SAMMSON: variants seen among roughly 807,000 people sequenced by gnomAD.
The protein encoded by SAMMSON is long intergenic non-protein coding RNA 1212.
At chr3:70,210,312 A>G (rs939160546) in intron 4 of SAMMSON, among the ~76,000 whole-genome samples, 1 of 152,078 alleles carries the variant, frequency 6.6e-6, no homozygotes, top group Admixed American at 6.6e-5. Context: ...AAGTTATTTT[A>G]ATTCTATATC....
intron 2 of SAMMSON, among the ~76,000 whole-genome samples, chr3:70,414,038 A>C (rs1364017430): frequency 2.0e-5 from 3 of 152,140 alleles, no homozygotes; most frequent in Admixed American, 2.0e-4. Flanking sequence ...AGAGCTTAAT[A>C]AATAGAATAT....
At chr3:70,411,693 T>C (rs1337633779) in intron 2 of SAMMSON, among the ~76,000 whole-genome samples, 1 of 152,158 alleles carries the variant, frequency 6.6e-6, no homozygotes, top group Non-Finnish European at 1.5e-5. Flanking sequence ...CAAGAACTGA[T>C]GGTTTTATAA....
In SAMMSON at chr3:70,094,158, A is replaced by G. The variant is rs7615631; in HGVS notation, n.507+22593A>G. On this transcript the variant is annotated intron_variant and non_coding_transcript_variant, in intron 4 of 9. Coordinates refer to ENST00000642114, the Ensembl canonical transcript of SAMMSON. ...TCTCTCCTCTCACCTTCCCTTGCCC[A>G]ATCACTGTTTTCATCTCCAAAATAT... Among the ~76,000 whole-genome samples, 1,062 of 152,144 alleles carry G rather than the reference A, an allele frequency of 7.0e-3. 17 individuals are homozygous for G. The highest frequency in any genetic ancestry group is 0.024 in the African/African-American group (1,016 of 41,488).
intron 4 of SAMMSON, among the ~76,000 whole-genome samples, chr3:70,131,815 T>C (rs1211024044): frequency 6.6e-6 from 1 of 152,076 alleles, no homozygotes; most frequent in African/African-American, 2.4e-5. Flanking sequence ...TGATCCCAAT[T>C]GATCCACCCA....
At chr3:70,068,178 A>T (rs1323590056) in intron 3 of SAMMSON, 1 of 152,016 alleles carries the variant, frequency 6.6e-6, no homozygotes, top group African/African-American at 2.4e-5. Context: ...ACCAACAAGC[A>T]TTTTCTTTTC....
At chr3:70,206,824 C>T (rs1003405608) in intron 4 of SAMMSON, 2 of 397,068 alleles carry the variant, frequency 5.0e-6, no homozygotes. Context: ...ATACAGAAAC[C>T]CACTATGGTT....
chr3:70,016,399 T>G (rs2066985913), intron 3 of SAMMSON, among the ~76,000 whole-genome samples: 1 of 152,216 alleles, frequency 6.6e-6, no homozygotes, highest in African/African-American at 2.4e-5. Context: ...GAGAAGGATC[T>G]CTTCACATCT....
At chr3:70,158,541 A>G (rs1576138622) in intron 4 of SAMMSON, among the ~76,000 whole-genome samples, 1 of 148,294 alleles carries the variant, frequency 6.7e-6, no homozygotes, top group Non-Finnish European at 1.5e-5. Context: ...TTGGGTGGAC[A>G]CTTTTTTTTT....
chr3:70,168,889 A>G (rs1413326160), intron 4 of SAMMSON, among the ~76,000 whole-genome samples: 1 of 151,958 alleles, frequency 6.6e-6, no homozygotes, highest in Non-Finnish European at 1.5e-5. Flanking sequence ...ATGTTTGCTG[A>G]CACCTCATTC....
At chr3:70,134,679 A>G (rs960795846) in intron 4 of SAMMSON, among the ~76,000 whole-genome samples, 1 of 152,160 alleles carries the variant, frequency 6.6e-6, no homozygotes, top group African/African-American at 2.4e-5. Flanking sequence ...AAACATTTTT[A>G]TGACATATTT....
chr3:70,273,471 C>T (rs553683473), intron 6 of SAMMSON, among the ~76,000 whole-genome samples: 1 of 152,076 alleles, frequency 6.6e-6, no homozygotes, highest in African/African-American at 2.4e-5. Flanking sequence ...CTCAGGAGAT[C>T]GTCCAGAAAA....
At chr3:70,235,911 T>G (rs906270479) in intron 4 of SAMMSON, among the ~76,000 whole-genome samples, 2 of 152,216 alleles carry the variant, frequency 1.3e-5, no homozygotes, top group Admixed American at 6.5e-5. Flanking sequence ...TCAATGGACG[T>G]AAGCTTCCTA....
At chr3:70,301,926 T>C (rs1702352474) in intron 7 of SAMMSON, among the ~76,000 whole-genome samples, 1 of 152,144 alleles carries the variant, frequency 6.6e-6, no homozygotes, top group South Asian at 2.1e-4. Context: ...CAGATTTTCT[T>C]CTGTTGTCTG....
intron 3 of SAMMSON, among the ~76,000 whole-genome samples, chr3:70,049,550 GAGGTGAAGACTAC>G (rs2067138904): frequency 6.6e-6 from 1 of 152,112 alleles, no homozygotes; most frequent in Non-Finnish European, 1.5e-5. Context: ...TCTTTAGGTT[GAGGTGAAGACTAC>G]AGGTAGAGAT....
chr3:70,394,005 C>G (rs1322907340), downstream of SAMMSON, among the ~76,000 whole-genome samples: 1 of 152,120 alleles, frequency 6.6e-6, no homozygotes, highest in Non-Finnish European at 1.5e-5. Context: ...GAGGCTCTTT[C>G]CAGTGAGCCC....
chr3:70,058,143 A>G (rs537125226), intron 3 of SAMMSON, among the ~76,000 whole-genome samples: 15 of 152,212 alleles, frequency 9.9e-5, no homozygotes, highest in Non-Finnish European at 1.9e-4. Flanking sequence ...ATGAGGAAGA[A>G]CCAGATACAC....
At chr3:70,289,608 C>T (rs1480303214) in intron 6 of SAMMSON, among the ~76,000 whole-genome samples, 5 of 149,870 alleles carry the variant, frequency 3.3e-5, no homozygotes, top group Admixed American at 6.7e-5. Context: ...CGTTGGCCTG[C>T]CTTGCTAGAT....
chr3:70,274,554 T>G (rs1294384053), intron 6 of SAMMSON, among the ~76,000 whole-genome samples: 1 of 152,134 alleles, frequency 6.6e-6, no homozygotes, highest in Non-Finnish European at 1.5e-5. Flanking sequence ...CTGCATGCTC[T>G]CACTTATAAG....
chr3:70,384,988 T>C (rs1192153431), intron 9 of SAMMSON, among the ~76,000 whole-genome samples: 1 of 152,082 alleles, frequency 6.6e-6, no homozygotes, highest in Admixed American at 6.6e-5. Flanking sequence ...AATAGCCACA[T>C]GTGCCAGTGC....
Sources: allele counts gnomAD v4.1 joint callset (sites outside exome capture counted in the v4.1 genomes callset), GRCh38; gene constraint gnomAD v4.1.1; transcripts MANE v1.5; gene names NCBI Gene and HGNC (gene_info 2026-07-23, HGNC 2026-07-21).